NAV3: variants seen among roughly 807,000 people sequenced by gnomAD.
The protein encoded by NAV3 is neuron navigator 3, also known as pore membrane and/or filament interacting like protein 1.
NAV3 carries 87 observed loss-of-function variants against 244.7 expected under a neutral mutation model. The observed-to-expected ratio is 0.36, with a 90% CI of 0.30 to 0.42. The LOEUF (loss-of-function observed/expected upper bound fraction) is 0.42, where lower values mean the gene tolerates loss of function less well. Ranked by LOEUF, NAV3 falls within the 20% of genes least tolerant of loss-of-function variation. The pLI is 1.00. For synonymous variants in NAV3, 1,126 were observed against 1,042.2 expected, an observed-to-expected ratio of 1.08 and a Z score of -1.55; for missense variants, 2,663 against 2,893.3, an observed-to-expected ratio of 0.92 and a Z score of 1.83.
At chr12:78,110,748 T>C (rs1473637418) in intron 12 of NAV3, among the ~76,000 whole-genome samples, 1 of 152,038 alleles carries the variant, frequency 6.6e-6, no homozygotes, top group Admixed American at 6.6e-5. Context: ...TATATAATGT[T>C]TTCTACATGT....
chr12:77,593,798 GA>G (rs1341451542), intron 2 of NAV3, among the ~76,000 whole-genome samples: 2 of 151,690 alleles, frequency 1.3e-5, no homozygotes, highest in East Asian at 3.9e-4. Flanking sequence ...TTTAGAGGAG[GA>G]GAGATTTATT....
intron 2 of NAV3, among the ~76,000 whole-genome samples, chr12:77,689,321 G>A (rs1164054575): frequency 2.0e-5 from 3 of 151,882 alleles, no homozygotes; most frequent in Non-Finnish European, 4.4e-5. Flanking sequence ...ATCAAGATGA[G>A]CTCATCCAAG....
intron 2 of NAV3, among the ~76,000 whole-genome samples, chr12:77,763,569 G>A (rs1869597150): frequency 6.6e-6 from 1 of 152,148 alleles, no homozygotes; most frequent in Non-Finnish European, 1.5e-5. Context: ...GTTGTGCAGA[G>A]GTCTGAACTC....
Position 78,188,243 on chromosome 12 carries a change from T to C in NAV3, c.5791-5T>C. On this transcript the variant is annotated splice_polypyrimidine_tract_variant and splice_region_variant and intron_variant, in intron 31 of 39. Coordinates refer to ENST00000397909, the MANE Select transcript of NAV3 (RefSeq NM_001024383.2). ...TTTATCTTACTTTATTTTGTTCTTA[T>C]TTAGGACCAAAAATCTCAGGCATAT... 3 of 1,600,832 alleles carry C rather than the reference T, an allele frequency of 1.9e-6. No homozygotes were observed. Among genetic ancestry groups the C allele is most frequent in the Non-Finnish European group, 1.7e-6 (2 of 1,171,576 alleles).
At chr12:78,106,615 C>A (rs1359737175) in intron 12 of NAV3, among the ~76,000 whole-genome samples, 4 of 152,192 alleles carry the variant, frequency 2.6e-5, no homozygotes, top group African/African-American at 9.6e-5. Context: ...CCAGCATGGA[C>A]TGTCTGGGTT....
chr12:77,770,020 T>C (rs535303981), intron 2 of NAV3, among the ~76,000 whole-genome samples: 14 of 152,202 alleles, frequency 9.2e-5, no homozygotes, highest in Non-Finnish European at 2.1e-4. Context: ...ATAAGTAAGA[T>C]GAAAGGAATA....
At chr12:78,059,242 A>T (rs954146812) in intron 12 of NAV3, 127 bp downstream of exon 12, 1 of 861,084 alleles carries the variant, frequency 1.2e-6, no homozygotes, top group Non-Finnish European at 1.6e-6. Context: ...TAATTATTTT[A>T]TTTTGATAAA....
intron 14 of NAV3, among the ~76,000 whole-genome samples, chr12:78,118,739 A>C (rs1336731221): frequency 6.6e-6 from 1 of 152,206 alleles, no homozygotes; most frequent in Non-Finnish European, 1.5e-5. Context: ...GATTTGAAAT[A>C]TTGTCTGTGT....
At chr12:77,893,519 A>G (rs1262660266) in intron 1 of NAV3, among the ~76,000 whole-genome samples, 2 of 152,120 alleles carry the variant, frequency 1.3e-5, no homozygotes, top group Admixed American at 6.6e-5. Flanking sequence ...ATATTGATAC[A>G]TGGCATCTTA....
chr12:78,063,875 C>A (rs538940712), intron 12 of NAV3, among the ~76,000 whole-genome samples: 12 of 152,002 alleles, frequency 7.9e-5, no homozygotes, highest in African/African-American at 2.9e-4. Context: ...GACAAGGAGA[C>A]GAGAGACAAA....
chr12:77,865,986 GT>G lies in NAV3; in HGVS notation c.243+34290del, dbSNP rs113206069. ...GTTACCCATTGACCTCACATTATAA[GT>G]TTTTTTTCAACCAGCCACCAAAACA... On this transcript the variant is annotated intron_variant, in intron 1 of 39. Transcript: ENST00000397909. Among the ~76,000 whole-genome samples the G allele has an allele frequency of 9.2e-4, 139 of 151,588 alleles. 1 individual carries two copies. Among genetic ancestry groups the G allele is most frequent in the African/African-American group, 3.2e-3 (133 of 41,344 alleles).
intron 2 of NAV3, among the ~76,000 whole-genome samples, chr12:77,640,822 G>C (rs1872376754): frequency 6.6e-6 from 1 of 152,180 alleles, no homozygotes; most frequent in South Asian, 2.1e-4. Flanking sequence ...GAGCCGAAAT[G>C]AGGGCAGCTA....
intron 36 of NAV3, 52 bp downstream of exon 36, chr12:78,198,728 G>A (rs773685639): frequency 2.0e-6 from 2 of 1,023,750 alleles, no homozygotes; most frequent in Non-Finnish European, 2.9e-6. Flanking sequence ...TTGTGTTGGG[G>A]GGGGCAGGGG....
At chr12:77,968,421 G>C (rs1892698093) in intron 4 of NAV3, 98 bp from the exon 5 acceptor site, 2 of 952,982 alleles carry the variant, frequency 2.1e-6, no homozygotes, top group Non-Finnish European at 3.3e-6. Flanking sequence ...TTGTATCTCT[G>C]TCTTCATAGA....
intron 2 of NAV3, among the ~76,000 whole-genome samples, chr12:77,627,199 G>T (rs1871670024): frequency 1.3e-5 from 2 of 152,004 alleles, no homozygotes; most frequent in South Asian, 4.1e-4. Context: ...GAAATAAAAA[G>T]TTTCACACAA....
intron 2 of NAV3, among the ~76,000 whole-genome samples, chr12:77,700,918 TTTTATA>T (rs1875531339): frequency 1.2e-5 from 1 of 86,314 alleles, no homozygotes; most frequent in African/African-American, 3.2e-5. Flanking sequence ...CTATGAACTC[TTTTATA>T]TTATATATTA....
chr12:78,070,470 T>A (rs1363345216), intron 12 of NAV3, among the ~76,000 whole-genome samples: 1 of 152,082 alleles, frequency 6.6e-6, no homozygotes, highest in Non-Finnish European at 1.5e-5. Context: ...TTTGAAATTG[T>A]TTCCAGCTTC....
intron 1 of NAV3, among the ~76,000 whole-genome samples, chr12:77,933,334 G>T (rs988421854): frequency 6.6e-6 from 1 of 152,276 alleles, no homozygotes; most frequent in South Asian, 2.1e-4. Context: ...TAGCAATGGA[G>T]GAGTGGAAGG....
intron 2 of NAV3, among the ~76,000 whole-genome samples, chr12:77,802,767 A>T (rs1871778018): frequency 6.6e-6 from 1 of 151,868 alleles, no homozygotes; most frequent in Admixed American, 6.6e-5. Flanking sequence ...GGTTCACACC[A>T]TTCTCCTGCC....
Sources: gnomAD v4.1 joint callset for allele counts (sites outside exome capture counted in the v4.1 genomes callset) on GRCh38, gnomAD v4.1.1 for gene constraint, MANE v1.5 for transcripts, NCBI Gene and HGNC (gene_info 2026-07-23, HGNC 2026-07-21) for gene names.